THSD7A: variants seen among roughly 807,000 people sequenced by gnomAD.
THSD7A encodes thrombospondin type 1 domain containing 7A.
THSD7A carries 96 observed loss-of-function variants against 231.3 expected under a neutral mutation model. That is an observed-to-expected ratio of 0.41 (90% CI 0.35 to 0.49). The LOEUF (loss-of-function observed/expected upper bound fraction) is 0.49. Ranked by LOEUF, THSD7A falls within the 20% of genes least tolerant of loss-of-function variation. The pLI is 0.05. For synonymous variants in THSD7A, 940 were observed against 743.3 expected (o/e 1.26, Z -4.30); for missense variants, 2,290 against 2,070.2 (o/e 1.11, Z -2.06).
intron 6 of THSD7A, among the ~76,000 whole-genome samples, chr7:11,527,648 A>C (rs10240390): frequency 5.3e-5 from 8 of 152,068 alleles, no homozygotes; most frequent in African/African-American, 1.9e-4. Context: ...GGGTTTTGCA[A>C]ATGTTTTCAT....
intron 6 of THSD7A, among the ~76,000 whole-genome samples, chr7:11,487,877 G>A (rs1253344826): frequency 3.3e-5 from 5 of 152,096 alleles, no homozygotes; most frequent in Admixed American, 3.3e-4. Context: ...TGGGGACACA[G>A]CAAAACTATG....
At chr7:11,796,217 A>G (rs916088596) in intron 1 of THSD7A, among the ~76,000 whole-genome samples, 1 of 150,942 alleles carries the variant, frequency 6.6e-6, no homozygotes, top group Non-Finnish European at 1.5e-5. Context: ...ATATATTTGT[A>G]TATAATTCTA....
At chr7:11,381,099 C>T (rs540043400) in intron 24 of THSD7A, among the ~76,000 whole-genome samples, 3 of 152,226 alleles carry the variant, frequency 2.0e-5, no homozygotes, top group East Asian at 3.9e-4. Context: ...TGGAGACATT[C>T]GTTTCCAATC....
At chr7:11,738,049 A>T (rs1014073250) in intron 1 of THSD7A, among the ~76,000 whole-genome samples, 1 of 151,754 alleles carries the variant, frequency 6.6e-6, no homozygotes, top group Non-Finnish European at 1.5e-5. Flanking sequence ...CTATCTATCT[A>T]ATAGTTTAAT....
chr7:11,513,489 T>C (rs1322853501), intron 6 of THSD7A, among the ~76,000 whole-genome samples: 1 of 152,140 alleles, frequency 6.6e-6, no homozygotes, highest in African/African-American at 2.4e-5. Context: ...GACTTGTACA[T>C]GCCATCATAT....
At chr7:11,500,571 C>T (rs1787289570) in intron 6 of THSD7A, among the ~76,000 whole-genome samples, 1 of 151,862 alleles carries the variant, frequency 6.6e-6, no homozygotes, top group Non-Finnish European at 1.5e-5. Flanking sequence ...TCAAGAGGCC[C>T]ATTTCAGATA....
chr7:11,622,801 A>G (rs1244141312), intron 2 of THSD7A, among the ~76,000 whole-genome samples: 2 of 152,210 alleles, frequency 1.3e-5, no homozygotes, highest in African/African-American at 2.4e-5. Flanking sequence ...AATAGATTAT[A>G]TGAATTATTT....
Position 11,637,106 on chromosome 7 carries a change from A to G in THSD7A, c.191-145T>C, listed in dbSNP as rs770452724. Reference sequence around the variant, plus strand: ...AGGTCTCTGGACACGACTGTTGGAAAGTAATGATCCTCGCTAAGTATTTTT... The same window carrying G: ...AGGTCTCTGGACACGACTGTTGGAAGGTAATGATCCTCGCTAAGTATTTTT... On this transcript the variant is annotated intron_variant, in intron 1 of 27. Transcript: ENST00000423059. This position sits in a 1 kb window ranked among gnomAD's most constrained non-coding sequence, Gnocchi z 4.2. 7.6e-5 allele frequency: 56 copies of G among 738,604 alleles called. No individual in the cohort carries two copies. Among genetic ancestry groups the G allele is most frequent in the Non-Finnish European group, 1.2e-4 (54 of 462,606 alleles). The allele number at this position is 738,604 out of a possible 1,614,324, so 45.8% of individuals were successfully genotyped here.
chr7:11,795,446 T>C lies in THSD7A; in HGVS notation c.190+36311A>G, dbSNP rs111756287. 3.3e-3 allele frequency among the ~76,000 whole-genome samples: 509 copies of C among 152,088 alleles called. 6 individuals carry two copies. The highest frequency in any genetic ancestry group is 2.5e-3 in the East Asian group (13 of 5,172). ...ATTTGTAGGAAATCACACAATTAAA[T>C]TGATGTTTTACAAATAACAGATGGC... On this transcript the variant is annotated intron_variant, in intron 1 of 27. Transcript: ENST00000423059.
intron 19 of THSD7A, chr7:11,410,500 G>A (rs561879699): frequency 6.6e-6 from 1 of 152,306 alleles, no homozygotes; most frequent in Admixed American, 6.5e-5. Flanking sequence ...GACCTCAGAT[G>A]CATGGAGAGT....
chr7:11,804,013 A>G (rs1430525393), intron 1 of THSD7A, among the ~76,000 whole-genome samples: 1 of 152,214 alleles, frequency 6.6e-6, no homozygotes, highest in Non-Finnish European at 1.5e-5. Flanking sequence ...AGATAATTAA[A>G]TTATGTTGTC....
intron 23 of THSD7A, among the ~76,000 whole-genome samples, chr7:11,397,540 C>T (rs2115347125): frequency 6.6e-6 from 1 of 152,286 alleles, no homozygotes; most frequent in Middle Eastern, 3.4e-3. Context: ...GCAATGGCCA[C>T]AAAAGCCAAA....
chr7:11,703,978 A>G (rs1451754030), intron 1 of THSD7A, among the ~76,000 whole-genome samples: 1 of 151,216 alleles, frequency 6.6e-6, no homozygotes, highest in Non-Finnish European at 1.5e-5. Flanking sequence ...TGAGTTGAAA[A>G]CAAAATAGGT....
chr7:11,800,627 CT>C (rs1325056457), intron 1 of THSD7A, among the ~76,000 whole-genome samples: 2 of 152,134 alleles, frequency 1.3e-5, no homozygotes, highest in African/African-American at 4.8e-5. Context: ...ATAAGCCAGC[CT>C]CAGAGGGCAT....
intron 7 of THSD7A, 90 bp downstream of exon 7, chr7:11,481,698 C>T (rs1313664686): frequency 1.5e-6 from 2 of 1,327,974 alleles, no homozygotes; most frequent in Non-Finnish European, 2.0e-6. Flanking sequence ...TGTTGACTTT[C>T]ATAGAATATC....
rs528647973 is a variant in THSD7A, at chr7:11,371,073, T to A, written c.*4721A>T. 23 of 152,258 alleles carry A rather than the reference T, an allele frequency of 1.5e-4. No homozygotes were observed. The highest frequency in any genetic ancestry group is 5.5e-4 in the African/African-American group (23 of 41,564). The allele number at this position is 152,258 out of a possible 1,614,324, so 9.4% of individuals were successfully genotyped here. ...CACTGAAAACATGACTCCCACAAAC[T>A]AAAGCTCTTCATATACTGCCCATTT... is the stretch of plus-strand genomic sequence containing the variant. On this transcript the variant is annotated 3_prime_UTR_variant, in exon 28 of 28. Coordinates refer to ENST00000423059, the MANE Select transcript of THSD7A (RefSeq NM_015204.3).
chr7:11,429,062 T>A lies in THSD7A; in HGVS notation c.3128A>T (p.Asn1043Ile). ...ACAGGACTTGCTGCAGCGCGACCAG[T>A]TGGACCACTCACTGAGCTTGCAGTC... ...PSDCKLSEWS[N>I]WSRCSKSCGS... The change falls in exon 14 of 28, where the codon AAC (asparagine) becomes ATC (isoleucine). Residue 1043 changes from asparagine (N) to isoleucine (I), a missense_variant. Transcript: ENST00000423059. 6.2e-7 allele frequency: 1 copy of A among 1,612,748 alleles called. No individual in the cohort carries two copies. Among genetic ancestry groups the A allele is most frequent in the African/African-American group, 1.3e-5 (1 of 75,000 alleles).
chr7:11,687,649 T>C (rs992313886), intron 1 of THSD7A, among the ~76,000 whole-genome samples: 3 of 151,900 alleles, frequency 2.0e-5, no homozygotes, highest in Non-Finnish European at 4.4e-5. Context: ...TGTTGTTACT[T>C]GAGAATACTT....
chr7:11,419,233 C>A (rs1784060427), intron 16 of THSD7A, among the ~76,000 whole-genome samples: 1 of 152,092 alleles, frequency 6.6e-6, no homozygotes, highest in Non-Finnish European at 1.5e-5. Flanking sequence ...TGTGTCCCCA[C>A]CCAAATCTCA....
Sources: allele counts gnomAD v4.1 joint callset (sites outside exome capture counted in the v4.1 genomes callset), GRCh38; gene constraint gnomAD v4.1.1; non-coding constraint Gnocchi (gnomAD v3.1); transcripts MANE v1.5; gene names NCBI Gene and HGNC (gene_info 2026-07-23, HGNC 2026-07-21).